Variants in DPP10 observed in about 807,000 individuals in gnomAD.
DPP10 encodes the protein inactive dipeptidyl peptidase 10.
Under a neutral mutation model 120.9 loss-of-function variants are expected in DPP10, and 33 were observed. That is an observed-to-expected ratio of 0.27 (90% CI 0.21 to 0.37). The LOEUF (loss-of-function observed/expected upper bound fraction) is 0.37. Ranked by LOEUF, DPP10 falls within the 10% of genes least tolerant of loss-of-function variation. DPP10 has a pLI of 1.00. For missense variants in DPP10, 816 were observed against 942.8 expected (o/e 0.87, Z 1.76); for synonymous variants, 337 against 326.1 (o/e 1.03, Z -0.36).
intron 1 of DPP10, among the ~76,000 whole-genome samples, chr2:115,148,636 T>A (rs115930877): frequency 0.023 from 3,499 of 152,274 alleles, 53 homozygotes; most frequent in Admixed American, 0.045. Flanking sequence ...TTATATTTTT[T>A]AATAGCTACC....
intron 11 of DPP10, among the ~76,000 whole-genome samples, chr2:115,760,797 T>G (rs2149786161): frequency 6.6e-6 from 1 of 152,236 alleles, no homozygotes; most frequent in East Asian, 1.9e-4. Flanking sequence ...TAGTAAGTCA[T>G]TTAAAAATTG....
chr2:115,100,459 A>AC (rs1553488082), intron 1 of DPP10, among the ~76,000 whole-genome samples: 131 of 150,470 alleles, frequency 8.7e-4, no homozygotes, highest in African/African-American at 2.1e-3. Context: ...TAAATTAAAA[A>AC]ACACACACAC....
chr2:115,177,069 T>C (rs985023116), intron 1 of DPP10, among the ~76,000 whole-genome samples: 15 of 152,228 alleles, frequency 9.9e-5, no homozygotes, highest in Admixed American at 8.5e-4. Flanking sequence ...TTGTAGCATC[T>C]TTGAAGCCAG....
At chr2:114,959,527 T>C (rs1698457423) in intron 1 of DPP10, among the ~76,000 whole-genome samples, 1 of 152,252 alleles carries the variant, frequency 6.6e-6, no homozygotes, top group Non-Finnish European at 1.5e-5. Flanking sequence ...ATAATAACAC[T>C]GTAAACATTT....
chr2:115,495,757 A>G (rs532013137), intron 3 of DPP10, among the ~76,000 whole-genome samples: 40 of 152,298 alleles, frequency 2.6e-4, no homozygotes, highest in African/African-American at 8.7e-4. Flanking sequence ...TACACAGGCC[A>G]GATAGTGATT....
chr2:115,636,152 AAAAAAAC>A (rs2086312979), intron 5 of DPP10, among the ~76,000 whole-genome samples: 1 of 152,046 alleles, frequency 6.6e-6, no homozygotes, highest in South Asian at 2.1e-4. Context: ...TCGCAAAAAA[AAAAAAAC>A]AAAAAACAGA....
At chr2:115,352,463 A>G (rs1339875925) in intron 3 of DPP10, among the ~76,000 whole-genome samples, 1 of 152,162 alleles carries the variant, frequency 6.6e-6, no homozygotes. Context: ...CTTGGCCTTG[A>G]TGGCCCAGGA....
chr2:115,824,366 C>T (rs961222511), intron 21 of DPP10, among the ~76,000 whole-genome samples: 38 of 152,022 alleles, frequency 2.5e-4, no homozygotes, highest in Non-Finnish European at 3.2e-4. Flanking sequence ...AGGTTTGTTA[C>T]GTGGGTATAC....
chr2:115,813,339 C>T (rs1686867548), intron 19 of DPP10, among the ~76,000 whole-genome samples: 1 of 152,124 alleles, frequency 6.6e-6, no homozygotes, highest in African/African-American at 2.4e-5. Flanking sequence ...TGAGGGCTCT[C>T]CTTGGGTTGC....
intron 1 of DPP10, among the ~76,000 whole-genome samples, chr2:115,107,597 AAGAT>A (rs906915403): frequency 3.9e-5 from 6 of 152,118 alleles, no homozygotes; most frequent in Admixed American, 6.5e-5. Context: ...AGATAAATAG[AAGAT>A]AGATAGATAG....
chr2:114,897,593 A>T (rs1265883967), intron 1 of DPP10, among the ~76,000 whole-genome samples: 7 of 151,828 alleles, frequency 4.6e-5, no homozygotes. Flanking sequence ...TTCACAACCT[A>T]CTCATCTGAC....
chr2:115,056,792 G>C (rs1705956102), intron 1 of DPP10, among the ~76,000 whole-genome samples: 1 of 152,180 alleles, frequency 6.6e-6, no homozygotes, highest in Admixed American at 6.5e-5. Flanking sequence ...AGAGGAGGAG[G>C]AGAAACAAAA....
chr2:115,761,456 A>T (rs1185708029), intron 11 of DPP10, among the ~76,000 whole-genome samples: 1 of 152,148 alleles, frequency 6.6e-6, no homozygotes, highest in Non-Finnish European at 1.5e-5. Flanking sequence ...ACGTATGGAG[A>T]TAAAAAGACT....
At chr2:114,745,267 CAT>C (rs1432477032) in intron 1 of DPP10, among the ~76,000 whole-genome samples, 10 of 152,152 alleles carry the variant, frequency 6.6e-5, no homozygotes, top group Admixed American at 1.3e-4. Context: ...CTAAAAGAAA[CAT>C]GTGGATGGAG....
At chr2:115,591,952 G>T (rs2082690367) in intron 5 of DPP10, among the ~76,000 whole-genome samples, 1 of 151,962 alleles carries the variant, frequency 6.6e-6, no homozygotes, top group South Asian at 2.1e-4. Flanking sequence ...TCATGATTTG[G>T]CTCTCTGTTT....
chr2:115,491,226 C>T (rs2076100232), intron 3 of DPP10, among the ~76,000 whole-genome samples: 1 of 152,174 alleles, frequency 6.6e-6, no homozygotes, highest in Non-Finnish European at 1.5e-5. Flanking sequence ...CTACAGCAAA[C>T]ACTGCTAGAG....
At chr2:114,806,595 T>C (rs930795505) in intron 1 of DPP10, among the ~76,000 whole-genome samples, 3 of 152,256 alleles carry the variant, frequency 2.0e-5, no homozygotes, top group Non-Finnish European at 4.4e-5. Flanking sequence ...TAGATCGTTA[T>C]GAGTTATCAG....
At chr2:115,301,843 G>A (rs1016352478) in intron 1 of DPP10, among the ~76,000 whole-genome samples, 1 of 152,020 alleles carries the variant, frequency 6.6e-6, no homozygotes, top group Non-Finnish European at 1.5e-5. Flanking sequence ...GATGCTAAAA[G>A]TGTAAAACTA....
Position 115,557,066 on chromosome 2 carries a change from G to A in DPP10, c.441+31094G>A, listed in dbSNP as rs558043154. Among the ~76,000 whole-genome samples, 6 of 152,176 alleles carry A rather than the reference G, an allele frequency of 3.9e-5. No homozygotes were observed. The East Asian group carries it at 5.8e-4, about 15-fold the overall frequency. ...ATGAAATACAATAGTTTTGCATTGC[G>A]ACTTAGAGGTACCCCATGTATTCCA... On this transcript the variant is annotated intron_variant, in intron 5 of 25. Transcript: ENST00000410059.
Sources: allele counts gnomAD v4.1 joint callset (sites outside exome capture counted in the v4.1 genomes callset), GRCh38; gene constraint gnomAD v4.1.1; transcripts MANE v1.5; gene names NCBI Gene and HGNC (gene_info 2026-07-23, HGNC 2026-07-21).